Variants in SNPH observed in about 807,000 individuals in gnomAD.
SNPH encodes the protein syntaphilin.
SNPH carries 10 observed loss-of-function variants against 36.8 expected under a neutral mutation model. The ratio of observed to expected loss-of-function variants is 0.27; its 90% confidence interval spans 0.17 to 0.46. SNPH has a LOEUF of 0.46. SNPH is among the 20% of genes least tolerant of loss of function. SNPH has a pLI of 1.00. For synonymous variants in SNPH, 281 were observed against 312.2 expected (o/e 0.90, Z 1.05); for missense variants, 622 against 744.0 (o/e 0.84, Z 1.91).
At chr20:1,277,945 G>C in intron 2 of SNPH, among the ~76,000 whole-genome samples, 1 of 149,828 alleles carries the variant, frequency 6.7e-6, no homozygotes, top group East Asian at 2.0e-4. Flanking sequence ...GTGTGCCTGT[G>C]TGTGTCTGTG....
chr20:1,286,545 T>A (rs764614396), intron 2 of SNPH, among the ~76,000 whole-genome samples: 25 of 152,180 alleles, frequency 1.6e-4, no homozygotes, highest in Non-Finnish European at 2.9e-4. Flanking sequence ...GGAAGATAGA[T>A]GAACCTTGGC....
At chr20:1,282,401 A>G (rs1040407577) in intron 2 of SNPH, among the ~76,000 whole-genome samples, 4 of 152,270 alleles carry the variant, frequency 2.6e-5, no homozygotes, top group African/African-American at 9.6e-5. Flanking sequence ...TATAAAGGAT[A>G]TGCCATATGG....
intron 2 of SNPH, among the ~76,000 whole-genome samples, chr20:1,286,219 A>G (rs755836537): frequency 2.0e-5 from 3 of 152,162 alleles, no homozygotes; most frequent in Non-Finnish European, 2.9e-5. Flanking sequence ...CAGCTTCTCC[A>G]GAGAAGGAAA....
At chr20:1,297,559 C>T (rs761497922) in intron 5 of SNPH, among the ~76,000 whole-genome samples, 3 of 152,230 alleles carry the variant, frequency 2.0e-5, no homozygotes, top group Admixed American at 6.5e-5. Flanking sequence ...TGTCTTCTCC[C>T]GCTGCTCCAC....
At chr20:1,297,891 G>C (rs981976294) in intron 5 of SNPH, among the ~76,000 whole-genome samples, 1 of 152,230 alleles carries the variant, frequency 6.6e-6, no homozygotes, top group Non-Finnish European at 1.5e-5. Context: ...GCACTTCTCA[G>C]GGGAACACTT....
intron 2 of SNPH, among the ~76,000 whole-genome samples, chr20:1,278,439 A>G (rs2088178763): frequency 1.3e-5 from 2 of 152,120 alleles, no homozygotes; most frequent in Admixed American, 6.5e-5. Flanking sequence ...GTAAATTCTG[A>G]CATATTTCTA....
At chr20:1,296,561 C>A in intron 4 of SNPH, 140 bp downstream of exon 4, 1 of 701,222 alleles carries the variant, frequency 1.4e-6, no homozygotes, top group Non-Finnish European at 2.3e-6. Flanking sequence ...AGCTTGCTAA[C>A]ACCTGCCTCC....
rs1019587920 is a variant in SNPH at position 1,308,521 on chromosome 20, G to A, written c.*2467G>A. ...GATCCCGCATCTATGCAAAGGTGCA[G>A]GCTGCCTGTGAGGCTCCAGGCGGTG... On this transcript the variant is annotated 3_prime_UTR_variant, in exon 7 of 7. Transcript: ENST00000381867. 6.5e-6 allele frequency: 1 copy of A among 152,732 alleles called. No homozygotes were observed. The highest frequency in any genetic ancestry group is 1.9e-4 in the East Asian group (1 of 5,206). The allele number at this position is 152,732 out of a possible 1,614,324, so 9.5% of individuals were successfully genotyped here.
In SNPH at chr20:1,285,653, A is replaced by G. The variant is rs2088275819; in HGVS notation, c.-492-9298A>G. ...GGAGTAAAGTGGCATTCCCACTGTC[A>G]TAAAGATGGTGGGTGGTGGAGTTTG... On this transcript the variant is annotated intron_variant, in intron 2 of 6. Transcript: ENST00000381867. This position sits in a 1 kb window ranked among gnomAD's most constrained non-coding sequence, Gnocchi z 4.9. Among the ~76,000 whole-genome samples the G allele has an allele frequency of 6.6e-6, 1 of 152,318 alleles. No homozygotes were observed. Among genetic ancestry groups the G allele is most frequent in the East Asian group, 1.9e-4 (1 of 5,186 alleles).
chr20:1,282,584 T>A (rs1479285869), intron 2 of SNPH, among the ~76,000 whole-genome samples: 1 of 152,228 alleles, frequency 6.6e-6, no homozygotes, highest in Non-Finnish European at 1.5e-5. Flanking sequence ...AAACTGGAAC[T>A]GGAAGGCTTT....
chr20:1,274,771 G>A (rs527682087), intron 2 of SNPH, among the ~76,000 whole-genome samples: 1 of 152,308 alleles, frequency 6.6e-6, no homozygotes, highest in South Asian at 2.1e-4. Context: ...GCAAAGGGCA[G>A]CTCCCTGTCC....
intron 2 of SNPH, among the ~76,000 whole-genome samples, chr20:1,279,935 G>A (rs1281752997): frequency 6.6e-6 from 1 of 152,212 alleles, no homozygotes; most frequent in African/African-American, 2.4e-5. Flanking sequence ...AGAGACTGGA[G>A]TAGAGCTCTC....
At chr20:1,288,553 G>A (rs2088310951) in intron 2 of SNPH, among the ~76,000 whole-genome samples, 1 of 152,148 alleles carries the variant, frequency 6.6e-6, no homozygotes, top group African/African-American at 2.4e-5. Context: ...TTGCCTGCGA[G>A]GCTGATTCTT....
intron 2 of SNPH, among the ~76,000 whole-genome samples, chr20:1,293,006 G>C (rs1012046112): frequency 6.6e-6 from 1 of 152,306 alleles, no homozygotes; most frequent in South Asian, 2.1e-4. Context: ...TTGTGTGATA[G>C]GCACTGACCT....
Position 1,285,482 on chromosome 20 carries a change from G to A in SNPH, c.-492-9469G>A, listed in dbSNP as rs566695957. On this transcript the variant is annotated intron_variant, in intron 2 of 6. Coordinates refer to ENST00000381867, the MANE Select transcript of SNPH (RefSeq NM_001318234.2). The surrounding 1 kb of genome is among the most constrained non-coding windows in gnomAD (Gnocchi z 4.9). ...ATTGAGAATAAGAATATATTCAGGC[G>A]AATAAATAATTACTGCTATTTACGG... is the stretch of plus-strand genomic sequence containing the variant. 2.2e-3 allele frequency among the ~76,000 whole-genome samples: 342 copies of A among 152,254 alleles called. No homozygotes were observed. The highest frequency in any genetic ancestry group is 6.4e-3 in the South Asian group (31 of 4,812).
intron 2 of SNPH, among the ~76,000 whole-genome samples, chr20:1,268,885 T>C (rs888255640): frequency 1.3e-5 from 2 of 152,212 alleles, no homozygotes; most frequent in Non-Finnish European, 2.9e-5. Context: ...ATTATTGCTA[T>C]TGTTGGTGAT....
At chr20:1,274,225 T>G (rs1350167130) in intron 2 of SNPH, among the ~76,000 whole-genome samples, 2 of 151,832 alleles carry the variant, frequency 1.3e-5, no homozygotes, top group Non-Finnish European at 2.9e-5. Context: ...TTTTCAGGGG[T>G]AAAGGTATTC....
chr20:1,286,833 G>C (rs1158924636), intron 2 of SNPH, among the ~76,000 whole-genome samples: 14 of 152,158 alleles, frequency 9.2e-5, no homozygotes, highest in African/African-American at 2.4e-5. Flanking sequence ...TCTCAGGCTG[G>C]GTGGGGGCTT....
chr20:1,298,391 C>T (rs542947390), intron 5 of SNPH, among the ~76,000 whole-genome samples: 73 of 152,254 alleles, frequency 4.8e-4, no homozygotes, highest in African/African-American at 1.5e-3. Context: ...TTGTGTGAAG[C>T]GATGTCCAGA....
Sources: gnomAD v4.1 joint callset for allele counts (sites outside exome capture counted in the v4.1 genomes callset) on GRCh38, gnomAD v4.1.1 for gene constraint, Gnocchi (gnomAD v3.1) non-coding constraint, MANE v1.5 for transcripts, NCBI Gene and HGNC (gene_info 2026-07-23, HGNC 2026-07-21) for gene names.